CELF2: variants seen among roughly 807,000 people sequenced by gnomAD.
The protein encoded by CELF2 is CUG triplet repeat RNA-binding protein 2.
Under a neutral mutation model 62.6 loss-of-function variants are expected in CELF2, and 8 were observed. The ratio of observed to expected loss-of-function variants is 0.13; its 90% CI spans 0.07 to 0.23. The LOEUF is 0.23. Ranked by LOEUF, CELF2 falls within the 10% of genes least tolerant of loss-of-function variation. CELF2 has a pLI of 1.00. For synonymous variants in CELF2, 258 were observed against 250.0 expected, an observed-to-expected ratio of 1.03 and a Z score of -0.30; for missense variants, 333 against 671.0, an observed-to-expected ratio of 0.50 and a Z score of 5.56.
At chr10:10,753,217 T>C in the CELF2 span, among the ~76,000 whole-genome samples, 2 of 152,172 alleles carry the variant, frequency 1.3e-5, no homozygotes, top group African/African-American at 4.8e-5. Flanking sequence ...GCCATTATCA[T>C]AGAAAGTTTA....
At chr10:11,006,780 T>C (rs1254012816) in intron 1 of CELF2, among the ~76,000 whole-genome samples, 1 of 152,230 alleles carries the variant, frequency 6.6e-6, no homozygotes, top group Admixed American at 6.5e-5. Context: ...AAGGTCTCTG[T>C]GGAATATATT....
At chr10:10,912,248 C>A (rs950235435) in intron 1 of CELF2, among the ~76,000 whole-genome samples, 2 of 152,196 alleles carry the variant, frequency 1.3e-5, no homozygotes, top group African/African-American at 4.8e-5. Flanking sequence ...ACAGCCTCTG[C>A]CACCCTGCTT....
At chr10:10,631,729 C>T in the CELF2 span, among the ~76,000 whole-genome samples, 18 of 151,808 alleles carry the variant, frequency 1.2e-4, no homozygotes, top group African/African-American at 4.4e-4. Flanking sequence ...GAGTTCTTAG[C>T]AGGAAAAATT....
At chr10:11,082,602 A>C (rs565823783) in intron 1 of CELF2, among the ~76,000 whole-genome samples, 6 of 152,304 alleles carry the variant, frequency 3.9e-5, no homozygotes, top group Admixed American at 6.5e-5. Context: ...TAAAATGAGG[A>C]GATTACTTAG....
chr10:11,319,221 T>G lies in CELF2; in HGVS notation c.1097-1968T>G, dbSNP rs1190480768. 1 of 405,118 alleles carries G rather than the reference T, an allele frequency of 2.5e-6. No individual in the cohort carries two copies. The highest frequency in any genetic ancestry group is 5.1e-6 in the Non-Finnish European group (1 of 195,972). 25.1% of individuals were successfully genotyped at this position (405,118 alleles called of 1,614,324 possible). On this transcript the variant is annotated intron_variant, in intron 10 of 12. Coordinates refer to ENST00000633077, the MANE Select transcript of CELF2 (RefSeq NM_001326342.2). This position sits in a 1 kb window ranked among gnomAD's most constrained non-coding sequence, Gnocchi z 4.4. The stretch of plus-strand genomic sequence containing the variant: ...GCACCCGTTAACAGCCTGGCCAAAG[T>G]GAGACCAACAGAATTTATCAGCAGC...
intron 1 of CELF2, among the ~76,000 whole-genome samples, chr10:10,897,518 A>G (rs1261536160): frequency 5.9e-5 from 9 of 152,210 alleles, no homozygotes; most frequent in Non-Finnish European, 1.5e-5. Context: ...TGATTTGGAA[A>G]ATTCTCAACC....
intron 1 of CELF2, among the ~76,000 whole-genome samples, chr10:11,124,521 T>C (rs2058339617): frequency 6.6e-6 from 1 of 152,222 alleles, no homozygotes; most frequent in African/African-American, 2.4e-5. Flanking sequence ...CTGATTCAGC[T>C]TTTTAAAATG....
At chr10:10,468,560 C>A in the CELF2 span, among the ~76,000 whole-genome samples, 1 of 151,962 alleles carries the variant, frequency 6.6e-6, no homozygotes, top group Non-Finnish European at 1.5e-5. Flanking sequence ...AAAGTTTGCT[C>A]AACTTTAATT....
chr10:10,663,561 T>C, the CELF2 span, among the ~76,000 whole-genome samples: 1 of 152,148 alleles, frequency 6.6e-6, no homozygotes, highest in African/African-American at 2.4e-5. Context: ...CAGGAAGAAA[T>C]ACTGAAAGTT....
chr10:10,822,264 G>A (rs11813286), intron 1 of CELF2, among the ~76,000 whole-genome samples: 11,428 of 152,270 alleles, frequency 0.075, 556 homozygotes, highest in East Asian at 0.23. Context: ...TTTAGCTGCT[G>A]TCTGGCTGTT....
intron 2 of CELF2, among the ~76,000 whole-genome samples, chr10:11,208,275 C>A (rs907973126): frequency 8.6e-5 from 13 of 151,786 alleles, no homozygotes; most frequent in South Asian, 2.1e-4. Flanking sequence ...GAGTCCCTGA[C>A]AAGAGGCACA....
Position 11,095,956 on chromosome 10 carries a change from A to G in CELF2, c.75-69530A>G, listed in dbSNP as rs546877207. Among the ~76,000 whole-genome samples, 62 of 152,318 alleles carry G rather than the reference A, an allele frequency of 4.1e-4. No homozygotes were observed. The East Asian group carries it at 7.3e-3, about 18-fold the overall frequency. On this transcript the variant is annotated intron_variant, in intron 1 of 12. Transcript: ENST00000633077. ...AGAATTTACAGTGTAACATTTTGCC[A>G]TATGTATTGAACATTATCATGAAAG...
intron 2 of CELF2, among the ~76,000 whole-genome samples, chr10:11,196,520 A>G (rs993816928): frequency 6.6e-6 from 1 of 152,044 alleles, no homozygotes; most frequent in Non-Finnish European, 1.5e-5. Context: ...TAACAAAATT[A>G]GCCAGGCATG....
chr10:11,099,884 C>CAA (rs869282674), intron 1 of CELF2, among the ~76,000 whole-genome samples: 14 of 93,510 alleles, frequency 1.5e-4, no homozygotes, highest in African/African-American at 4.2e-4. Flanking sequence ...ACAACAACAA[C>CAA]AAAAAAAAAA....
At chr10:11,307,509 G>C (rs1230353368) in intron 9 of CELF2, among the ~76,000 whole-genome samples, 3 of 152,202 alleles carry the variant, frequency 2.0e-5, no homozygotes, top group African/African-American at 7.2e-5. Flanking sequence ...GTTCTGTTCA[G>C]CCTCTACCTA....
intron 8 of CELF2, among the ~76,000 whole-genome samples, chr10:11,287,054 C>G (rs1166114691): frequency 1.3e-5 from 2 of 152,192 alleles, no homozygotes; most frequent in African/African-American, 4.8e-5. Flanking sequence ...GCGCCCGTGG[C>G]TGGGGGCTTA....
chr10:10,937,822 T>G (rs1391023863), intron 2 of CELF2, among the ~76,000 whole-genome samples: 1 of 152,164 alleles, frequency 6.6e-6, no homozygotes, highest in African/African-American at 2.4e-5. Flanking sequence ...CTAGATAGCA[T>G]GATAGTGTAT....
At chr10:11,283,474 T>C (rs566666083) in intron 8 of CELF2, among the ~76,000 whole-genome samples, 162 of 152,184 alleles carry the variant, frequency 1.1e-3, no homozygotes, top group Non-Finnish European at 2.1e-3. Context: ...GATAGATGGA[T>C]GGGTGAGTAG....
At chr10:10,505,392 C>T in the CELF2 span, among the ~76,000 whole-genome samples, 1 of 152,092 alleles carries the variant, frequency 6.6e-6, no homozygotes, top group African/African-American at 2.4e-5. Flanking sequence ...GACTTTATTA[C>T]CACTGGATGA....
Sources: gnomAD v4.1 joint callset for allele counts (sites outside exome capture counted in the v4.1 genomes callset) on GRCh38, gnomAD v4.1.1 for gene constraint, Gnocchi (gnomAD v3.1) non-coding constraint, MANE v1.5 for transcripts, NCBI Gene and HGNC (gene_info 2026-07-23, HGNC 2026-07-21) for gene names.